The following MEG3 variants were observed in gnomAD, a reference collection of about 807,000 sequenced individuals.
MEG3 encodes the protein maternally expressed 3.
intron 2 of MEG3, chr14:100,836,409 C>T: frequency 2.3e-6 from 1 of 432,440 alleles, no homozygotes; most frequent in Non-Finnish European, 4.5e-6. Context: ...AGGCACCCTG[C>T]CAAGGTGAAT....
intron 1 of MEG3, among the ~76,000 whole-genome samples, chr14:100,827,244 G>T (rs1041811506): frequency 2.0e-5 from 3 of 152,084 alleles, no homozygotes; most frequent in African/African-American, 2.4e-5. Flanking sequence ...CGGGCCTGGT[G>T]GGGGCGCAGG....
upstream of MEG3, chr14:100,854,126 A>C (rs1395871090): frequency 1.3e-5 from 2 of 152,288 alleles, no homozygotes; most frequent in African/African-American, 4.8e-5. Flanking sequence ...GAATAATTTC[A>C]GTAAGCTTAC....
At chr14:100,830,629 TG>T (rs1437068671), downstream of MEG3, 3 of 152,340 alleles carry the variant, frequency 2.0e-5, no homozygotes, top group Admixed American at 2.0e-4. Flanking sequence ...AAACATTTTC[TG>T]GGGCACCGAC....
chr14:100,840,885 C>T (rs570619200), intron 2 of MEG3, among the ~76,000 whole-genome samples: 5 of 152,316 alleles, frequency 3.3e-5, no homozygotes, highest in East Asian at 1.9e-4. Flanking sequence ...ATGTCTGCGC[C>T]GGCCTCCGCG....
At chr14:100,848,629 A>T (rs2037984798) in intron 3 of MEG3, 1 of 152,112 alleles carries the variant, frequency 6.6e-6, no homozygotes, top group Admixed American at 6.5e-5. Context: ...AGTGAAAGAG[A>T]TAATAAATAA....
upstream of MEG3, chr14:100,854,739 C>T (rs1307094827): frequency 1.3e-5 from 2 of 152,700 alleles, no homozygotes; most frequent in East Asian, 1.9e-4. Flanking sequence ...TATTAGATCC[C>T]GATGAAGCCA....
chr14:100,828,168 G>A (rs1437558706), intron 1 of MEG3, among the ~76,000 whole-genome samples: 1 of 152,038 alleles, frequency 6.6e-6, no homozygotes, highest in African/African-American at 2.4e-5. Context: ...ATCCAGGCCC[G>A]CCGGGCGCGG....
chr14:100,826,645 A>AG (rs1360816143), intron 1 of MEG3, among the ~76,000 whole-genome samples: 3 of 152,004 alleles, frequency 2.0e-5, no homozygotes, highest in African/African-American at 2.4e-5. Context: ...CCCATGAATT[A>AG]GGGGGGGAAG....
rs1190653892 is a variant in MEG3 at position 100,845,444 on chromosome 14, CCTT to C, written n.3046-10_3046-8del. 2.2e-6 allele frequency: 1 copy of C among 456,480 alleles called. No individual in the cohort carries two copies. 28.3% of individuals were successfully genotyped at this position (456,480 alleles called of 1,614,324 possible). ...TGAGGTTCTACTCTGTGACCTAGTGCCTTCTTGTTACAGCGGAAGCCATCACCT... is the reference window on the plus strand; with the variant it reads ...TGAGGTTCTACTCTGTGACCTAGTGCCTTGTTACAGCGGAAGCCATCACCT... On this transcript the variant is annotated splice_polypyrimidine_tract_variant and intron_variant and non_coding_transcript_variant, in intron 2 of 3. Transcript: ENST00000398461. The surrounding 1 kb of genome is among the most constrained non-coding windows in gnomAD (Gnocchi z 5.2).
At chr14:100,839,793 C>T (rs1485169348) in intron 2 of MEG3, among the ~76,000 whole-genome samples, 1 of 152,200 alleles carries the variant, frequency 6.6e-6, no homozygotes, top group Non-Finnish European at 1.5e-5. Flanking sequence ...GTTCCAGCTC[C>T]AGCCGGATCC....
chr14:100,831,079 G>A (rs1211987657), downstream of MEG3: 1 of 152,964 alleles, frequency 6.5e-6, no homozygotes, highest in African/African-American at 2.4e-5. Flanking sequence ...CTGTAAAATC[G>A]AGAGTCCTGC....
chr14:100,826,612 T>C (rs1004976963), intron 1 of MEG3, among the ~76,000 whole-genome samples: 4 of 152,094 alleles, frequency 2.6e-5, no homozygotes, highest in African/African-American at 7.2e-5. Flanking sequence ...GTGGGAGATA[T>C]GGCGGCGATG....
chr14:100,852,514 G>C (rs1334917664), upstream of MEG3: 1 of 489,462 alleles, frequency 2.0e-6, no homozygotes, highest in Non-Finnish European at 4.2e-6. Flanking sequence ...TGGGGCTCCA[G>C]GCTATGCCTT....
chr14:100,830,369 ACACACACACACACACC>A (rs1401679402), downstream of MEG3: 8 of 148,152 alleles, frequency 5.4e-5, no homozygotes, highest in East Asian at 2.1e-4. Context: ...ACACACACAC[ACACACACACACACACC>A]CCCTCGTGTA....
intron 2 of MEG3, among the ~76,000 whole-genome samples, chr14:100,838,129 T>C (rs1203581839): frequency 6.6e-6 from 1 of 152,114 alleles, no homozygotes; most frequent in Non-Finnish European, 1.5e-5. Flanking sequence ...GAGTAACTGG[T>C]CTGAGCCAGA....
In MEG3 at chr14:100,837,960, G is replaced by GGAA. The variant is rs2037639306; in HGVS notation, n.3045+1662_3045+1664dup. Among the ~76,000 whole-genome samples, 1 of 152,068 alleles carries GGAA rather than the reference G, an allele frequency of 6.6e-6. No homozygotes were observed. Among genetic ancestry groups the GGAA allele is most frequent in the Non-Finnish European group, 1.5e-5 (1 of 68,020 alleles). On this transcript the variant is annotated intron_variant and non_coding_transcript_variant, in intron 2 of 3. Coordinates refer to the MEG3 transcript ENST00000398461. The surrounding 1 kb of genome is among the most constrained non-coding windows in gnomAD (Gnocchi z 5.8). ...GGGCTAAACCCAGGGAGGGGGCCCAGGAAGGCTCTGCCCCGTGACATTTAC... is the reference window on the plus strand; with the variant it reads ...GGGCTAAACCCAGGGAGGGGGCCCAGGAAGAAGGCTCTGCCCCGTGACATTTAC...
chr14:100,828,626 C>G (rs895024314), intron 1 of MEG3: 2 of 151,256 alleles, frequency 1.3e-5, no homozygotes, highest in Non-Finnish European at 2.9e-5. Flanking sequence ...TCTGCCTGCC[C>G]CCTTTTGCTC....
upstream of MEG3, chr14:100,852,533 T>C: frequency 2.2e-6 from 1 of 457,986 alleles, no homozygotes. Context: ...TTGGCTGGAC[T>C]GAGGTCTGGG....
At chr14:100,856,547 G>C (rs1279802521), upstream of MEG3, 1 of 152,786 alleles carries the variant, frequency 6.5e-6, no homozygotes, top group Non-Finnish European at 1.5e-5. Flanking sequence ...GGCGGTGTGC[G>C]TGTCCCCGGG....
Sources: allele counts gnomAD v4.1 joint callset (sites outside exome capture counted in the v4.1 genomes callset), GRCh38; gene constraint gnomAD v4.1.1; non-coding constraint Gnocchi (gnomAD v3.1); transcripts MANE v1.5; gene names NCBI Gene and HGNC (gene_info 2026-07-23, HGNC 2026-07-21).